PPIL6: variants seen among roughly 807,000 people sequenced by gnomAD.
The protein encoded by PPIL6 is peptidylprolyl isomerase like 6, also known as probable inactive peptidyl-prolyl cis-trans isomerase-like 6.
PPIL6 carries 39 observed loss-of-function variants against 36.8 expected under a neutral mutation model. That is an observed-to-expected ratio of 1.06 (90% CI 0.82 to 1.38). The LOEUF (loss-of-function observed/expected upper bound fraction) is 1.38. Ranked by LOEUF, PPIL6 falls within the 40% of genes most tolerant of loss-of-function variation. The probability of loss-of-function intolerance (pLI) is 0.00; values close to 1 mark genes in which losing one functional copy is unlikely to be tolerated. For missense variants in PPIL6, 368 were observed against 379.1 expected, an observed-to-expected ratio of 0.97 and a Z score of 0.24; for synonymous variants, 123 against 134.1, an observed-to-expected ratio of 0.92 and a Z score of 0.57.
At chr6:109,431,467 C>A in intron 2 of PPIL6, 122 bp from the exon 3 acceptor site, 1 of 538,290 alleles carries the variant, frequency 1.9e-6, no homozygotes, top group Non-Finnish European at 3.0e-6. Flanking sequence ...AGTATTGAAT[C>A]TTTTAAAAAT....
At chr6:109,418,923 T>C (rs975595780) in intron 6 of PPIL6, among the ~76,000 whole-genome samples, 5 of 152,122 alleles carry the variant, frequency 3.3e-5, no homozygotes, top group African/African-American at 1.2e-4. Context: ...CCTAAAAATA[T>C]AAATTCCCTT....
intron 6 of PPIL6, among the ~76,000 whole-genome samples, chr6:109,400,619 A>G (rs946506709): frequency 6.6e-5 from 10 of 152,146 alleles, no homozygotes; most frequent in African/African-American, 2.4e-4. Flanking sequence ...GTTCTTGGAC[A>G]GTCCTTATAA....
intron 6 of PPIL6, among the ~76,000 whole-genome samples, chr6:109,406,806 A>C (rs1174230476): frequency 1.3e-5 from 2 of 152,090 alleles, no homozygotes; most frequent in African/African-American, 4.8e-5. Context: ...CAGATTTGAG[A>C]TATTTGTTGG....
intron 7 of PPIL6, among the ~76,000 whole-genome samples, chr6:109,395,959 A>G (rs1772288945): frequency 1.3e-5 from 2 of 151,454 alleles, no homozygotes; most frequent in African/African-American, 2.4e-5. Context: ...CAGTCTCCCA[A>G]GTAGCTGGGA....
At chr6:109,439,984 T>C (rs890883734) in intron 1 of PPIL6, among the ~76,000 whole-genome samples, 1 of 152,178 alleles carries the variant, frequency 6.6e-6, no homozygotes, top group Non-Finnish European at 1.5e-5. Context: ...CAGTGACGGC[T>C]CTATAAAATT....
At chr6:109,426,755 C>T in intron 5 of PPIL6, 92 bp downstream of exon 5, 1 of 854,144 alleles carries the variant, frequency 1.2e-6, no homozygotes, top group Non-Finnish European at 1.7e-6. Context: ...TTAAGTATAT[C>T]TAATTCTACA....
upstream of PPIL6, chr6:109,440,737 C>G: frequency 2.1e-6 from 1 of 471,374 alleles, no homozygotes; most frequent in Non-Finnish European, 3.0e-6. Flanking sequence ...CAACTTTGCG[C>G]CTGTTGCTGG....
intron 2 of PPIL6, among the ~76,000 whole-genome samples, chr6:109,434,473 T>C (rs917694287): frequency 1.2e-4 from 19 of 152,150 alleles, no homozygotes; most frequent in African/African-American, 4.1e-4. Context: ...GTCTGTCATA[T>C]AATAAGCAGA....
chr6:109,398,084 G>A (rs1238358851), intron 7 of PPIL6, among the ~76,000 whole-genome samples: 3 of 152,046 alleles, frequency 2.0e-5, no homozygotes, highest in Admixed American at 2.0e-4. Context: ...GAGAGATGGG[G>A]TTTCACCATG....
In PPIL6 at chr6:109,391,704, G is replaced by A. The variant is rs1193185030; in HGVS notation, c.*1122C>T. On this transcript the variant is annotated 3_prime_UTR_variant, in exon 8 of 8. Coordinates refer to ENST00000521072, the MANE Select transcript of PPIL6 (RefSeq NM_173672.5). The stretch of plus-strand genomic sequence containing the variant: ...CTTTAGATTACAGAGTAGTGATAAA[G>A]CTGAATCTCCAATAACATCACATGA... The A allele has an allele frequency of 6.6e-6, 1 of 152,170 alleles. No homozygotes were observed. Among genetic ancestry groups the A allele is most frequent in the Non-Finnish European group, 1.5e-5 (1 of 68,032 alleles). 9.4% of individuals were successfully genotyped at this position (152,170 alleles called of 1,614,324 possible).
At chr6:109,415,831 A>G (rs910031037) in intron 6 of PPIL6, among the ~76,000 whole-genome samples, 2 of 152,298 alleles carry the variant, frequency 1.3e-5, no homozygotes, top group South Asian at 2.1e-4. Flanking sequence ...TGAATTAGAC[A>G]TGTTGTGTTT....
At chr6:109,415,745 T>A (rs1773221544) in intron 6 of PPIL6, among the ~76,000 whole-genome samples, 1 of 152,192 alleles carries the variant, frequency 6.6e-6, no homozygotes, top group Non-Finnish European at 1.5e-5. Context: ...TTCTCTTCCA[T>A]AATGTTGACA....
rs144056589 is a variant in PPIL6, at chr6:109,432,867, A to G, written c.232-1522T>C. On this transcript the variant is annotated intron_variant, in intron 2 of 7. Coordinates refer to ENST00000521072, the MANE Select transcript of PPIL6 (RefSeq NM_173672.5). ...GGAACAGTTTACATTCAACTTGCCA[A>G]CTTGCTTCATTCTCCTCAGCAGATT... is the stretch of plus-strand genomic sequence containing the variant. 9.7e-4 allele frequency among the ~76,000 whole-genome samples: 148 copies of G among 152,214 alleles called. 5 individuals are homozygous for G. The East Asian group carries it at 0.026, about 26-fold the overall frequency.
At chr6:109,406,727 A>C (rs74766994) in intron 6 of PPIL6, among the ~76,000 whole-genome samples, 7,699 of 152,258 alleles carry the variant, frequency 0.051, 358 homozygotes, top group East Asian at 0.2. Flanking sequence ...TTTCATGATA[A>C]ATTCATTTTC....
intron 6 of PPIL6, among the ~76,000 whole-genome samples, chr6:109,411,048 C>T (rs1174057869): frequency 2.0e-5 from 3 of 152,130 alleles, no homozygotes; most frequent in Non-Finnish European, 4.4e-5. Flanking sequence ...CTGCTCCCAA[C>T]TCCCTAGGAA....
chr6:109,436,409 C>T (rs1774450063), intron 1 of PPIL6, among the ~76,000 whole-genome samples: 1 of 152,114 alleles, frequency 6.6e-6, no homozygotes, highest in Non-Finnish European at 1.5e-5. Context: ...TGTATAAGTG[C>T]CTCGAAGCCA....
At chr6:109,398,705 A>G (rs1772401241) in intron 7 of PPIL6, among the ~76,000 whole-genome samples, 1 of 152,220 alleles carries the variant, frequency 6.6e-6, no homozygotes, top group Admixed American at 6.5e-5. Flanking sequence ...AAAAAAAGTT[A>G]TATGTAACTT....
intron 3 of PPIL6, among the ~76,000 whole-genome samples, chr6:109,428,134 T>C (rs1042773543): frequency 4.6e-5 from 7 of 152,182 alleles, no homozygotes; most frequent in Non-Finnish European, 1.0e-4. Context: ...AGGAAAACAT[T>C]TGTGAGACCT....
intron 6 of PPIL6, among the ~76,000 whole-genome samples, chr6:109,418,486 T>C (rs1402984876): frequency 6.6e-6 from 1 of 152,162 alleles, no homozygotes; most frequent in African/African-American, 2.4e-5. Flanking sequence ...GGTAGATACC[T>C]TGTCACCTGC....
Sources: allele counts gnomAD v4.1 joint callset (sites outside exome capture counted in the v4.1 genomes callset), GRCh38; gene constraint gnomAD v4.1.1; transcripts MANE v1.5; gene names NCBI Gene and HGNC (gene_info 2026-07-23, HGNC 2026-07-21).